CEP89: variants seen among roughly 807,000 people sequenced by gnomAD.
CEP89 encodes centrosomal protein 89.
CEP89 carries 95 observed loss-of-function variants against 97.6 expected under a neutral mutation model. That is an observed-to-expected ratio of 0.97 (90% CI 0.82 to 1.15). CEP89 has a LOEUF of 1.15. Among genes scored for constraint, CEP89 ranks in the 50% most tolerant of loss-of-function variants. The probability of loss-of-function intolerance (pLI) is 0.00; values close to 1 mark genes in which losing one functional copy is unlikely to be tolerated. For synonymous variants in CEP89, 354 were observed against 349.1 expected, an observed-to-expected ratio of 1.01 and a Z score of -0.16; for missense variants, 869 against 947.7, an observed-to-expected ratio of 0.92 and a Z score of 1.09.
chr19:32,918,048 A>C (rs929236657), intron 13 of CEP89, among the ~76,000 whole-genome samples, 176 bp downstream of exon 13: 10 of 152,226 alleles, frequency 6.6e-5, no homozygotes, highest in African/African-American at 2.4e-4. Context: ...CTGAAAAAGC[A>C]ATCTATGCAT....
chr19:32,895,386 G>A (rs2145880939), intron 16 of CEP89, among the ~76,000 whole-genome samples: 1 of 151,910 alleles, frequency 6.6e-6, no homozygotes, highest in East Asian at 1.9e-4. Context: ...GCACACCAAT[G>A]GAAACAGAAA....
Position 32,953,437 on chromosome 19 carries a change from A to G in CEP89, c.492+178T>C, listed in dbSNP as rs527381430. ...TTGTTTTTGCAAGATAAAGGAAAGAAGTTTATGTTTTAATCTAACCAGATA... is the reference window on the plus strand; with the variant it reads ...TTGTTTTTGCAAGATAAAGGAAAGAGGTTTATGTTTTAATCTAACCAGATA... On this transcript the variant is annotated intron_variant, in intron 4 of 18. Transcript: ENST00000305768. Among the ~76,000 whole-genome samples the G allele has an allele frequency of 3.9e-5, 6 of 152,236 alleles. No homozygotes were observed. The East Asian group carries it at 9.6e-4, about 24-fold the overall frequency.
At chr19:32,969,109 T>G (rs1971344603) in intron 1 of CEP89, 1 of 152,100 alleles carries the variant, frequency 6.6e-6, no homozygotes, top group Non-Finnish European at 1.5e-5. Context: ...GTGTAGCTCC[T>G]CTCTGCTGGC....
intron 14 of CEP89, among the ~76,000 whole-genome samples, chr19:32,913,995 C>A (rs1970068312): frequency 6.6e-6 from 1 of 152,048 alleles, no homozygotes. Context: ...GTTTTAAAAC[C>A]TAAACTCATT....
chr19:32,878,995 A>G lies in CEP89; in HGVS notation c.*167T>C, dbSNP rs1599701420. 2 of 475,158 alleles carry G rather than the reference A, an allele frequency of 4.2e-6. No individual in the cohort carries two copies. Among genetic ancestry groups the G allele is most frequent in the East Asian group, 6.5e-5 (2 of 30,866 alleles). The allele number at this position is 475,158 out of a possible 1,614,324, so 29.4% of individuals were successfully genotyped here. ...AAAAAAAATTAAAAAATAAAGCAAA[A>G]TGTTATCAATGGATTAAACTATGAG... is the stretch of plus-strand genomic sequence containing the variant. On this transcript the variant is annotated 3_prime_UTR_variant, in exon 19 of 19. Coordinates refer to ENST00000305768, the MANE Select transcript of CEP89 (RefSeq NM_032816.5).
chr19:32,931,199 T>C (rs1209879225), intron 9 of CEP89: 1 of 458,744 alleles, frequency 2.2e-6, no homozygotes, highest in Non-Finnish European at 3.8e-6. Context: ...CTCTTTTACT[T>C]TGTACACTTC....
chr19:32,901,747 C>T (rs1308856581), intron 14 of CEP89, among the ~76,000 whole-genome samples: 1 of 152,184 alleles, frequency 6.6e-6, no homozygotes, highest in Admixed American at 6.5e-5. Context: ...CCTACCTCAG[C>T]CTCCCAAGTT....
chr19:32,966,467 C>A lies in CEP89; in HGVS notation c.40-1G>T. 1 of 1,507,758 alleles carries A rather than the reference C, an allele frequency of 6.6e-7. No individual in the cohort carries two copies. Among genetic ancestry groups the A allele is most frequent in the South Asian group, 1.3e-5 (1 of 76,540 alleles). 93.4% of individuals were successfully genotyped at this position (1,507,758 alleles called of 1,614,324 possible). On this transcript the variant is annotated splice_acceptor_variant, in intron 1 of 18. Transcript: ENST00000305768. LOFTEE classifies it high-confidence loss of function. The stretch of plus-strand genomic sequence containing the variant: ...GTAAAAGGCCATGGATGATGTGTTT[C>A]TGCACAAATGAAATCCAACAGAAGT...
chr19:32,890,304 G>A (rs913561760), intron 16 of CEP89, among the ~76,000 whole-genome samples: 4 of 152,148 alleles, frequency 2.6e-5, no homozygotes, highest in African/African-American at 9.7e-5. Context: ...GGAGGCTGAG[G>A]CAGGAGAATC....
At chr19:32,928,982 T>G (rs1275306887) in intron 9 of CEP89, among the ~76,000 whole-genome samples, 2 of 152,216 alleles carry the variant, frequency 1.3e-5, no homozygotes, top group Non-Finnish European at 2.9e-5. Context: ...GCATTACATA[T>G]TCTGTCTGGT....
At position 32,878,451 on chromosome 19, in the gene CEP89, C is replaced by A. The variant is rs1969209157; in HGVS notation, c.*711G>T. 1 of 152,152 alleles carries A rather than the reference C, an allele frequency of 6.6e-6. No homozygotes were observed. The highest frequency in any genetic ancestry group is 6.5e-5 in the Admixed American group (1 of 15,274). 9.4% of individuals were successfully genotyped at this position (152,152 alleles called of 1,614,324 possible). On this transcript the variant is annotated 3_prime_UTR_variant, in exon 19 of 19. Transcript: ENST00000305768. ...CATCAGGGCCGGTGCCATGGCCTGGCTCCTCGGGTGACACTTCCCCATCTG... is the reference window on the plus strand; with the variant it reads ...CATCAGGGCCGGTGCCATGGCCTGGATCCTCGGGTGACACTTCCCCATCTG...
At chr19:32,879,951 T>G (rs1654617664) in intron 18 of CEP89, among the ~76,000 whole-genome samples, 1 of 152,136 alleles carries the variant, frequency 6.6e-6, no homozygotes. Flanking sequence ...TAAGACTCAT[T>G]GCCAAGATGG....
chr19:32,959,919 T>C lies in CEP89; in HGVS notation c.286A>G (p.Thr96Ala). ...QDSFIEPYAT[T>A]SQLRPRPNWQ... is the part of the protein sequence containing the mutation. ...ACCTACCGAGGCCTCAGCTGTGAGG[T>C]GGTGGCATAGGGCTCGATGAAGCTG... The change falls in exon 3 of 19, where the codon ACC becomes GCC. Residue 96 changes from threonine to alanine, a missense_variant. Transcript: ENST00000305768. The C allele has an allele frequency of 6.2e-7, 1 of 1,614,022 alleles. No homozygotes were observed. Among genetic ancestry groups the C allele is most frequent in the Non-Finnish European group, 8.5e-7 (1 of 1,179,998 alleles).
intron 13 of CEP89, chr19:32,917,736 T>C: frequency 3.2e-6 from 3 of 949,088 alleles, no homozygotes; most frequent in Middle Eastern, 5.4e-4. Flanking sequence ...TGGGAAGAGA[T>C]GGGAAGAGGG....
In CEP89 at chr19:32,948,351, C is replaced by T. The variant is rs1281287546; in HGVS notation, c.510G>A (p.Glu170=). The T allele has an allele frequency of 1.2e-6, 2 of 1,607,996 alleles. No homozygotes were observed. Among genetic ancestry groups the T allele is most frequent in the South Asian group, 2.2e-5 (2 of 90,472 alleles). The change falls in exon 5 of 19, where the codon GAG becomes GAA. Residue 170 remains glutamate, a synonymous_variant. Transcript: ENST00000305768. ...PHRNQVPLLH[E]VNSEDDENIS... ...TATTTTCATCGTCTTCACTGTTCAC[C>T]TCATGTAACAATGGCACCTTTTTGT...
chr19:32,896,044 A>G (rs1236066926), intron 16 of CEP89, among the ~76,000 whole-genome samples: 2 of 152,214 alleles, frequency 1.3e-5, no homozygotes, highest in African/African-American at 4.8e-5. Flanking sequence ...AGACTCCCCA[A>G]AGCAATCAGC....
At chr19:32,923,771 C>A (rs916298257) in intron 11 of CEP89, among the ~76,000 whole-genome samples, 4 of 152,128 alleles carry the variant, frequency 2.6e-5, no homozygotes, top group Non-Finnish European at 5.9e-5. Context: ...GTACAAGAGG[C>A]AAAGAACCTG....
intron 17 of CEP89, among the ~76,000 whole-genome samples, chr19:32,886,667 A>ATGGAT (rs1969402704): frequency 6.6e-6 from 1 of 152,134 alleles, no homozygotes; most frequent in Non-Finnish European, 1.5e-5. Context: ...TGGTAACGCT[A>ATGGAT]TGGATTCCCC....
At chr19:32,955,841 T>A (rs1305199751) in intron 3 of CEP89, among the ~76,000 whole-genome samples, 2 of 152,026 alleles carry the variant, frequency 1.3e-5, no homozygotes, top group Non-Finnish European at 2.9e-5. Flanking sequence ...AGTCAAATGG[T>A]GTGAACATTT....
Sources: allele counts gnomAD v4.1 joint callset (sites outside exome capture counted in the v4.1 genomes callset), GRCh38; gene constraint gnomAD v4.1.1; transcripts MANE v1.5; gene names NCBI Gene and HGNC (gene_info 2026-07-23, HGNC 2026-07-21).